DIAPH3: variants seen among roughly 807,000 people sequenced by gnomAD.
The protein encoded by DIAPH3 is protein diaphanous homolog 3.
In DIAPH3, 117 loss-of-function variants were observed where a neutral mutation model predicts 144.3. The observed-to-expected ratio is 0.81, with a 90% CI of 0.70 to 0.95. The LOEUF (loss-of-function observed/expected upper bound fraction) is 0.95. DIAPH3 is among the 40% of genes least tolerant of loss of function. The pLI is 0.00. For synonymous variants in DIAPH3, 519 were observed against 488.9 expected, an observed-to-expected ratio of 1.06 and a Z score of -0.81; for missense variants, 1,421 against 1,412.7, an observed-to-expected ratio of 1.01 and a Z score of -0.09.
In DIAPH3 at chr13:60,163,634, G is replaced by T. The variant is rs749626918; in HGVS notation, c.133C>A (p.Pro45Thr). The T allele has an allele frequency of 8.1e-6, 13 of 1,606,476 alleles. No homozygotes were observed. The Admixed American group carries it at 1.7e-4, about 21-fold the overall frequency. ...MPRRKGPQHP[P>T]PPSGPEEPGE... ...GGCTCCTCGGGGCCACTGGGCGGCG[G>T]AGGGTGTTGGGGGCCCTTCCTGCGC... The change falls in exon 1 of 28, where the codon CCG (proline) becomes ACG (threonine). Residue 45 changes from proline to threonine, a missense_variant. Coordinates refer to ENST00000400324, the MANE Select transcript of DIAPH3 (RefSeq NM_001042517.2).
intron 8 of DIAPH3, among the ~76,000 whole-genome samples, 160 bp from the exon 9 acceptor site, chr13:60,008,809 G>A (rs2053052499): frequency 6.6e-6 from 1 of 152,170 alleles, no homozygotes; most frequent in Non-Finnish European, 1.5e-5. Flanking sequence ...TTCTAAGCAT[G>A]TTACATTTTA....
intron 17 of DIAPH3, among the ~76,000 whole-genome samples, chr13:59,926,862 T>TCTACAG (rs2047776639): frequency 6.6e-6 from 1 of 152,178 alleles, no homozygotes; most frequent in African/African-American, 2.4e-5. Context: ...TACAGTGCAG[T>TCTACAG]TTCAGATTGA....
At position 60,082,190 on chromosome 13, in the gene DIAPH3, C is replaced by A. The variant is rs2057581275; in HGVS notation, c.495+11438G>T. Among the ~76,000 whole-genome samples, 3 of 150,056 alleles carry A rather than the reference C, an allele frequency of 2.0e-5. No homozygotes were observed. In the South Asian group the frequency reaches 6.4e-4, roughly 32 times the overall value. ...AAATCATTTCAGAAATAAAAACTAA[C>A]AAGGAACACAAGAATAAACATAATG... On this transcript the variant is annotated intron_variant, in intron 4 of 27. Coordinates refer to ENST00000400324, the MANE Select transcript of DIAPH3 (RefSeq NM_001042517.2).
chr13:59,677,561 G>A (rs913741386), intron 27 of DIAPH3, among the ~76,000 whole-genome samples: 5 of 152,030 alleles, frequency 3.3e-5, no homozygotes, highest in African/African-American at 1.2e-4. Context: ...AATCAAATGT[G>A]TATTTCATAC....
chr13:59,987,241 C>T (rs934754570), intron 12 of DIAPH3, among the ~76,000 whole-genome samples: 55 of 150,996 alleles, frequency 3.6e-4, no homozygotes, highest in African/African-American at 1.3e-3. Context: ...AACCAAACAC[C>T]GCATATTCTC....
At chr13:59,824,873 C>A (rs1238283354) in intron 24 of DIAPH3, among the ~76,000 whole-genome samples, 5 of 152,004 alleles carry the variant, frequency 3.3e-5, no homozygotes, top group African/African-American at 1.2e-4. Flanking sequence ...AGTGTAGTGG[C>A]CTTTTTCAGT....
At chr13:59,833,578 T>C (rs1208276700) in intron 23 of DIAPH3, among the ~76,000 whole-genome samples, 1 of 151,788 alleles carries the variant, frequency 6.6e-6, no homozygotes, top group Non-Finnish European at 1.5e-5. Context: ...GATCATACAA[T>C]ATGATTTAAA....
intron 3 of DIAPH3, among the ~76,000 whole-genome samples, chr13:60,111,446 TC>T (rs1285613193): frequency 6.6e-6 from 1 of 151,838 alleles, no homozygotes; most frequent in East Asian, 1.9e-4. Context: ...AGATCAGGGG[TC>T]CCCAACCCCG....
intron 3 of DIAPH3, among the ~76,000 whole-genome samples, chr13:60,095,642 C>G (rs1392729866): frequency 2.0e-5 from 3 of 150,822 alleles, no homozygotes; most frequent in African/African-American, 7.3e-5. Flanking sequence ...TTTAGTCTGT[C>G]TGGACCAGTT....
chr13:59,794,671 CATTT>C (rs773253904), intron 25 of DIAPH3, among the ~76,000 whole-genome samples: 11 of 151,948 alleles, frequency 7.2e-5, no homozygotes, highest in Non-Finnish European at 1.5e-4. Flanking sequence ...CTATAAATAT[CATTT>C]ATTTATTTAT....
chr13:60,006,437 T>A (rs2052880997), intron 9 of DIAPH3, among the ~76,000 whole-genome samples: 1 of 152,144 alleles, frequency 6.6e-6, no homozygotes, highest in Admixed American at 6.5e-5. Context: ...TATAGATTCA[T>A]AGATAGTTGC....
intron 9 of DIAPH3, among the ~76,000 whole-genome samples, chr13:60,008,181 C>T (rs1411002337): frequency 6.6e-6 from 1 of 152,096 alleles, no homozygotes; most frequent in East Asian, 1.9e-4. Context: ...ATCACGAGAT[C>T]AGGAGATCGA....
At chr13:59,752,157 G>C (rs1275220321) in intron 27 of DIAPH3, among the ~76,000 whole-genome samples, 2 of 152,150 alleles carry the variant, frequency 1.3e-5, no homozygotes, top group Non-Finnish European at 2.9e-5. Context: ...TGAGTGCATA[G>C]TGCTTTGCAT....
chr13:59,940,918 A>G (rs2048496272), intron 17 of DIAPH3, among the ~76,000 whole-genome samples: 2 of 152,314 alleles, frequency 1.3e-5, no homozygotes, highest in South Asian at 2.1e-4. Context: ...GATTCATTCT[A>G]CCCTGCAGAG....
intron 27 of DIAPH3, among the ~76,000 whole-genome samples, chr13:59,738,763 G>C (rs901466647): frequency 2.0e-5 from 3 of 152,160 alleles, no homozygotes; most frequent in Non-Finnish European, 2.9e-5. Flanking sequence ...AGTCACTTCT[G>C]CATCTGTTCC....
chr13:59,682,970 TTCA>T (rs2033022247), intron 27 of DIAPH3, among the ~76,000 whole-genome samples: 1 of 152,244 alleles, frequency 6.6e-6, no homozygotes, highest in South Asian at 2.1e-4. Flanking sequence ...TGTGTCATAT[TTCA>T]TCATAAGATT....
intron 27 of DIAPH3, among the ~76,000 whole-genome samples, chr13:59,723,781 T>A (rs11839693): frequency 0.019 from 2,937 of 151,238 alleles, 80 homozygotes; most frequent in East Asian, 0.12. Flanking sequence ...CAGCTAATTT[T>A]TTTTTGTATT....
At chr13:59,823,187 C>CAT (rs1349283449) in intron 24 of DIAPH3, among the ~76,000 whole-genome samples, 2 of 152,106 alleles carry the variant, frequency 1.3e-5, no homozygotes, top group East Asian at 3.9e-4. Context: ...TTTAGCAATG[C>CAT]ATAGTACGAA....
At chr13:59,667,262 T>C (rs1566164515) in intron 27 of DIAPH3, among the ~76,000 whole-genome samples, 1 of 152,240 alleles carries the variant, frequency 6.6e-6, no homozygotes, top group East Asian at 1.9e-4. Context: ...ACAGGGCACA[T>C]GATGGCTGGA....
Sources: allele counts gnomAD v4.1 joint callset (sites outside exome capture counted in the v4.1 genomes callset), GRCh38; gene constraint gnomAD v4.1.1; transcripts MANE v1.5; gene names NCBI Gene and HGNC (gene_info 2026-07-23, HGNC 2026-07-21).